ATP11B: variants seen among roughly 807,000 people sequenced by gnomAD.
The protein encoded by ATP11B is phospholipid-transporting ATPase IF.
In ATP11B, 81 loss-of-function variants were observed where a neutral mutation model predicts 157.8. The observed-to-expected ratio is 0.51, with a 90% CI of 0.43 to 0.62. The LOEUF (loss-of-function observed/expected upper bound fraction) is 0.62, where lower values mean the gene tolerates loss of function less well. Ranked by LOEUF, ATP11B falls within the 20% of genes least tolerant of loss-of-function variation. ATP11B has a pLI of 0.00. For missense variants in ATP11B, 1,165 were observed against 1,402.2 expected (o/e 0.83, Z 2.70); for synonymous variants, 451 against 469.4 (o/e 0.96, Z 0.51).
chr3:182,878,984 A>AG (rs1227548348), intron 19 of ATP11B, among the ~76,000 whole-genome samples: 1 of 152,202 alleles, frequency 6.6e-6, no homozygotes, highest in Admixed American at 6.5e-5. Flanking sequence ...TGTAAAATTG[A>AG]ATATTAGGCT....
At chr3:182,851,411 GTTTC>G (rs1719970085) in intron 10 of ATP11B, among the ~76,000 whole-genome samples, 1 of 151,160 alleles carries the variant, frequency 6.6e-6, no homozygotes, top group African/African-American at 2.4e-5. Context: ...AATTTCCTCC[GTTTC>G]TTCTCAATTT....
intron 19 of ATP11B, 101 bp downstream of exon 19, chr3:182,874,116 C>T (rs1721862162): frequency 1.0e-6 from 1 of 967,602 alleles, no homozygotes. Context: ...TTTTTTACAG[C>T]CTATCAGCTA....
intron 27 of ATP11B, 137 bp from the exon 28 acceptor site, chr3:182,898,470 T>G: frequency 1.8e-6 from 1 of 556,486 alleles, no homozygotes; most frequent in Non-Finnish European, 2.9e-6. Context: ...TTAGTTCAGT[T>G]AATTAAATTA....
intron 25 of ATP11B, among the ~76,000 whole-genome samples, chr3:182,890,728 T>G (rs1413601659): frequency 1.3e-5 from 2 of 152,230 alleles, no homozygotes; most frequent in Non-Finnish European, 2.9e-5. Flanking sequence ...TGTTTCTCTA[T>G]GCCTGGTACA....
chr3:182,858,192 G>A (rs752021818), intron 11 of ATP11B, among the ~76,000 whole-genome samples, 164 bp downstream of exon 11: 1 of 152,228 alleles, frequency 6.6e-6, no homozygotes, highest in Non-Finnish European at 1.5e-5. Flanking sequence ...CAGCGTGTTT[G>A]TACTGATACG....
chr3:182,894,999 G>A (rs1723436694), intron 25 of ATP11B, among the ~76,000 whole-genome samples: 1 of 151,216 alleles, frequency 6.6e-6, no homozygotes, highest in African/African-American at 2.4e-5. Flanking sequence ...GGTGGCGTGT[G>A]CCTCTAGTCC....
chr3:182,869,169 T>C lies in ATP11B; in HGVS notation c.1762+18T>C, dbSNP rs1051926340. ...ACCTTCAGGTAACCAATCTAAACTT[T>C]CATGAATTTTTATTTATGTAATATT... On this transcript the variant is annotated intron_variant, in intron 16 of 29. Coordinates refer to ENST00000323116, the MANE Select transcript of ATP11B (RefSeq NM_014616.3). The C allele has an allele frequency of 4.4e-6, 7 of 1,603,278 alleles. No homozygotes were observed. In the African/African-American group the frequency reaches 5.4e-5, roughly 12 times the overall value.
intron 18 of ATP11B, among the ~76,000 whole-genome samples, chr3:182,873,599 G>A (rs1162276302): frequency 6.6e-6 from 1 of 152,150 alleles, no homozygotes; most frequent in Non-Finnish European, 1.5e-5. Context: ...GATTTTAATT[G>A]GTTGATTTTG....
In ATP11B at chr3:182,871,159, G is replaced by A. The variant is rs776605341; in HGVS notation, c.1867-1197G>A. On this transcript the variant is annotated intron_variant, in intron 17 of 29. Coordinates refer to ENST00000323116, the MANE Select transcript of ATP11B (RefSeq NM_014616.3). ...ACAAAAAAATAAAACATAGCCAAGCGTGGTGGCACATGTCTGTAGACCTAG... is the reference window on the plus strand; with the variant it reads ...ACAAAAAAATAAAACATAGCCAAGCATGGTGGCACATGTCTGTAGACCTAG... Among the ~76,000 whole-genome samples the A allele has an allele frequency of 4.5e-4, 68 of 152,066 alleles. 1 individual carries two copies. Among genetic ancestry groups the A allele is most frequent in the Middle Eastern group, 3.4e-3 (1 of 294 alleles).
rs77583140 is a variant in ATP11B at position 182,843,019 on chromosome 3, A to G, written c.704+897A>G. 9.6e-3 allele frequency among the ~76,000 whole-genome samples: 1,462 copies of G among 152,186 alleles called. 25 individuals are homozygous for G. The highest frequency in any genetic ancestry group is 0.033 in the African/African-American group (1,388 of 41,524). ...GTGGTCTCAGCAAACAGACAGCTTCACTCTTTCAGGCATCTGGTATTATTG... is the reference window on the plus strand; with the variant it reads ...GTGGTCTCAGCAAACAGACAGCTTCGCTCTTTCAGGCATCTGGTATTATTG... On this transcript the variant is annotated intron_variant, in intron 8 of 29. Coordinates refer to ENST00000323116, the MANE Select transcript of ATP11B (RefSeq NM_014616.3).
chr3:182,859,912 G>A (rs1427402412), intron 12 of ATP11B, among the ~76,000 whole-genome samples: 1 of 150,930 alleles, frequency 6.6e-6, no homozygotes, highest in East Asian at 1.9e-4. Flanking sequence ...AAACATACCA[G>A]GTAATCTAGA....
chr3:182,872,357 A>C lies in ATP11B; in HGVS notation c.1868A>C (p.Lys623Thr). 6.6e-7 allele frequency: 1 copy of C among 1,516,448 alleles called. No individual in the cohort carries two copies. Among genetic ancestry groups the C allele is most frequent in the Non-Finnish European group, 8.9e-7 (1 of 1,128,540 alleles). 93.9% of individuals were successfully genotyped at this position (1,516,448 alleles called of 1,614,324 possible). A position where few individuals can be genotyped will look rare whatever the true frequency, so the allele number is the denominator to read the frequency against. Residue 623 changes from lysine to threonine, a missense_variant and splice_region_variant, in exon 18 of 30, where the codon AAA (lysine) becomes ACA (threonine). Lys to Thr is a moderately conservative substitution (Grantham distance 78). Around this residue, in one of 4 missense-constraint regions of ATP11B, gnomAD observed 737 missense variants for 930.5 expected, o/e 0.79. Transcript: ENST00000323116. The stretch of plus-strand genomic sequence containing the variant: ...TTAATTTTTATTTGTTTGTTTTAGA[A>C]AGGGCTAAGAACTCTGTGTATAGCA... ...TRIHVDEFALKGLRTLCIAYR... is the reference protein window; with the variant it reads ...TRIHVDEFALTGLRTLCIAYR...
At chr3:182,886,082 G>T in intron 23 of ATP11B, 72 bp downstream of exon 23, 2 of 1,020,394 alleles carry the variant, frequency 2.0e-6, no homozygotes, top group Non-Finnish European at 2.7e-6. Context: ...GATTTTGATA[G>T]ACGTTTGAAG....
intron 1 of ATP11B, among the ~76,000 whole-genome samples, chr3:182,814,928 C>T (rs1485492684): frequency 6.6e-6 from 1 of 152,100 alleles, no homozygotes; most frequent in Non-Finnish European, 1.5e-5. Context: ...ATAACACATG[C>T]CTTCCTTTGT....
intron 2 of ATP11B, among the ~76,000 whole-genome samples, chr3:182,822,640 G>A (rs1717439902): frequency 1.3e-5 from 2 of 152,162 alleles, no homozygotes. Flanking sequence ...CCCAGTAATG[G>A]GATGGCTGGG....
intron 2 of ATP11B, among the ~76,000 whole-genome samples, chr3:182,822,513 A>G (rs972988560): frequency 6.6e-6 from 1 of 152,148 alleles, no homozygotes; most frequent in Non-Finnish European, 1.5e-5. Flanking sequence ...AATCCAGTCT[A>G]TCATTGTTGG....
intron 3 of ATP11B, among the ~76,000 whole-genome samples, chr3:182,829,051 C>T (rs1322851376): frequency 6.6e-6 from 1 of 152,090 alleles, no homozygotes; most frequent in African/African-American, 2.4e-5. Flanking sequence ...AGACAAGGAA[C>T]TTCTGATTTT....
intron 21 of ATP11B, 130 bp from the exon 22 acceptor site, chr3:182,884,623 T>C: frequency 1.3e-6 from 1 of 787,612 alleles, no homozygotes; most frequent in Non-Finnish European, 1.9e-6. Flanking sequence ...GGACATCTGC[T>C]ATCTGCTGTA....
chr3:182,920,920 AC>A lies in ATP11B; in HGVS notation c.*2817del, dbSNP rs1725442661. On this transcript the variant is annotated 3_prime_UTR_variant, in exon 30 of 30. Transcript: ENST00000323116. Reference sequence around the variant, plus strand: ...GAGCCACACCCAGGCCCTATCCTGAACAGGAGACTAAACAGAGGCAAATCAA... The same window carrying A: ...GAGCCACACCCAGGCCCTATCCTGAAAGGAGACTAAACAGAGGCAAATCAA... The A allele has an allele frequency of 6.6e-6, 1 of 152,270 alleles. No homozygotes were observed. Among genetic ancestry groups the A allele is most frequent in the African/African-American group, 2.4e-5 (1 of 41,452 alleles). The allele number at this position is 152,270 out of a possible 1,614,324, so 9.4% of individuals were successfully genotyped here.
Sources: gnomAD v4.1 joint callset for allele counts (sites outside exome capture counted in the v4.1 genomes callset) on GRCh38, gnomAD v4.1.1 for gene constraint, gnomAD v4.1.1 regional missense constraint, MANE v1.5 for transcripts, NCBI Gene and HGNC (gene_info 2026-07-23, HGNC 2026-07-21) for gene names.